Variants in AK7 observed in about 807,000 individuals in gnomAD.
AK7 encodes the protein ATP-AMP transphosphorylase 7.
A neutral mutation model predicts 96.6 loss-of-function variants in AK7; 78 were observed. The ratio of observed to expected loss-of-function variants is 0.81; its 90% CI spans 0.67 to 0.97. The LOEUF is 0.97. Ranked by LOEUF, AK7 falls within the 50% of genes least tolerant of loss-of-function variation. The pLI is 0.00. For synonymous variants in AK7, 302 were observed against 317.2 expected, an observed-to-expected ratio of 0.95 and a Z score of 0.51; for missense variants, 855 against 887.9, an observed-to-expected ratio of 0.96 and a Z score of 0.47.
At chr14:96,481,027 C>T (rs1426740743) in intron 15 of AK7, among the ~76,000 whole-genome samples, 4 of 152,176 alleles carry the variant, frequency 2.6e-5, no homozygotes, top group Non-Finnish European at 5.9e-5. Context: ...GGCCAGTGTA[C>T]TCTCCCCCTC....
rs533642920 is a variant in AK7 at position 96,431,560 on chromosome 14, T to C, written c.610-6275T>C. On this transcript the variant is annotated intron_variant, in intron 5 of 17. Coordinates refer to ENST00000267584, the MANE Select transcript of AK7 (RefSeq NM_152327.5). ...AGCAGGTTGTTCAGTTGCCATGTTA[T>C]GCGGTTTTGAGTGAGTTTCTTAACC... Among the ~76,000 whole-genome samples the C allele has an allele frequency of 2.1e-4, 32 of 152,220 alleles. No individual in the cohort carries two copies. In the South Asian group the frequency reaches 4.6e-3, roughly 22 times the overall value.
intron 1 of AK7, among the ~76,000 whole-genome samples, chr14:96,392,979 T>G (rs1889845625): frequency 6.6e-6 from 1 of 152,128 alleles, no homozygotes; most frequent in Non-Finnish European, 1.5e-5. Flanking sequence ...TAAATCAAAT[T>G]TTTATATTGC....
intron 2 of AK7, among the ~76,000 whole-genome samples, chr14:96,403,009 G>C (rs1225738783): frequency 6.6e-6 from 1 of 151,962 alleles, no homozygotes; most frequent in Non-Finnish European, 1.5e-5. Context: ...CAGCTACTCG[G>C]GAGGCTGAGG....
chr14:96,434,423 TC>T (rs1406950071), intron 5 of AK7, among the ~76,000 whole-genome samples: 1 of 6,456 alleles, frequency 1.5e-4, no homozygotes, highest in Non-Finnish European at 2.8e-4. Flanking sequence ...TGTCTGTCTG[TC>T]TCTCTCTCTC....
chr14:96,477,871 G>A (rs1895272489), intron 14 of AK7, among the ~76,000 whole-genome samples: 1 of 152,190 alleles, frequency 6.6e-6, no homozygotes, highest in Non-Finnish European at 1.5e-5. Context: ...GGAAGCCTGT[G>A]ATAATTGTGC....
chr14:96,409,019 T>C, intron 4 of AK7, 78 bp downstream of exon 4: 2 of 1,434,964 alleles, frequency 1.4e-6, no homozygotes, highest in Non-Finnish European at 1.9e-6. Flanking sequence ...GGGAACTTCC[T>C]ATGGCGAGTT....
intron 3 of AK7, among the ~76,000 whole-genome samples, chr14:96,406,763 C>T (rs1890736930): frequency 6.6e-6 from 1 of 152,056 alleles, no homozygotes; most frequent in African/African-American, 2.4e-5. Context: ...TAGCTTACTA[C>T]AGCCTCAAAC....
intron 12 of AK7, among the ~76,000 whole-genome samples, chr14:96,469,772 G>A (rs916012416): frequency 2.0e-5 from 3 of 152,134 alleles, no homozygotes; most frequent in African/African-American, 7.2e-5. Flanking sequence ...AATGGATGGT[G>A]TGACACTGAA....
At chr14:96,483,347 A>T in intron 16 of AK7, 128 bp downstream of exon 16, 1 of 914,500 alleles carries the variant, frequency 1.1e-6, no homozygotes, top group Non-Finnish European at 1.6e-6. Flanking sequence ...ACCCTAAACA[A>T]ATTTGTGTTT....
Position 96,446,507 on chromosome 14 carries a change from G to A in AK7, c.780-10G>A, listed in dbSNP as rs748401597. ...TCCCTTTGATGATTATTTTACCTGT[G>A]GGTCTGCAGAGTGATACAAAACGTC... On this transcript the variant is annotated splice_polypyrimidine_tract_variant and intron_variant, in intron 7 of 17. Transcript: ENST00000267584. 6.2e-7 allele frequency: 1 copy of A among 1,612,170 alleles called. No homozygotes were observed. Among genetic ancestry groups the A allele is most frequent in the Admixed American group, 1.7e-5 (1 of 59,990 alleles).
intron 5 of AK7, among the ~76,000 whole-genome samples, chr14:96,434,819 C>T (rs1892552440): frequency 6.6e-6 from 1 of 152,168 alleles, no homozygotes; most frequent in Admixed American, 6.5e-5. Context: ...CGTAGTCCTT[C>T]CCAGTCTTCC....
chr14:96,451,374 G>T (rs1204128582), intron 9 of AK7, 47 bp from the exon 10 acceptor site: 1 of 1,492,154 alleles, frequency 6.7e-7, no homozygotes, highest in African/African-American at 1.4e-5. Context: ...ATGACAGTCA[G>T]AATTAAACAA....
intron 12 of AK7, among the ~76,000 whole-genome samples, chr14:96,467,764 C>T (rs1894653566): frequency 6.6e-6 from 1 of 152,096 alleles, no homozygotes; most frequent in South Asian, 2.1e-4. Flanking sequence ...TCTCAGCAAA[C>T]AATGGAGTTT....
chr14:96,472,760 G>A lies in AK7; in HGVS notation c.1555+5G>A. 6.2e-7 allele frequency: 1 copy of A among 1,604,286 alleles called. No homozygotes were observed. Among genetic ancestry groups the A allele is most frequent in the South Asian group, 1.1e-5 (1 of 90,896 alleles). ...TTGATAAATTAATTATACCTGGTAAGTTTATTTCCCTAAGATCACATTTAA... is the reference window on the plus strand; with the variant it reads ...TTGATAAATTAATTATACCTGGTAAATTTATTTCCCTAAGATCACATTTAA... On this transcript the variant is annotated splice_donor_5th_base_variant and intron_variant, in intron 14 of 17. Coordinates refer to ENST00000267584, the MANE Select transcript of AK7 (RefSeq NM_152327.5).
intron 8 of AK7, 61 bp downstream of exon 8, chr14:96,446,668 C>G (rs577518256): frequency 6.7e-7 from 1 of 1,493,482 alleles, no homozygotes; most frequent in Non-Finnish European, 9.3e-7. Flanking sequence ...TGGCTGGGCG[C>G]GGTGGCTCAT....
At chr14:96,479,818 G>A (rs1303583459) in intron 15 of AK7, among the ~76,000 whole-genome samples, 1 of 152,146 alleles carries the variant, frequency 6.6e-6, no homozygotes, top group Non-Finnish European at 1.5e-5. Flanking sequence ...CCTGGTGGAA[G>A]CTTCCTGGCC....
chr14:96,464,404 G>A (rs1243318475), intron 12 of AK7, among the ~76,000 whole-genome samples: 2 of 151,574 alleles, frequency 1.3e-5, no homozygotes, highest in African/African-American at 4.8e-5. Flanking sequence ...AAAAAAAATA[G>A]CCAGGCGTGG....
chr14:96,472,780 A>C, intron 14 of AK7, 25 bp downstream of exon 14: 1 of 1,582,860 alleles, frequency 6.3e-7, no homozygotes, highest in Non-Finnish European at 8.7e-7. Flanking sequence ...CTAAGATCAC[A>C]TTTAAAAGAA....
intron 13 of AK7, 67 bp from the exon 14 acceptor site, chr14:96,472,620 A>G (rs2140158064): frequency 7.6e-7 from 1 of 1,310,832 alleles, no homozygotes; most frequent in Non-Finnish European, 1.1e-6. Context: ...GATATTTGGA[A>G]TTTTTTGCTG....
Sources: allele counts gnomAD v4.1 joint callset (sites outside exome capture counted in the v4.1 genomes callset), GRCh38; gene constraint gnomAD v4.1.1; transcripts MANE v1.5; gene names NCBI Gene and HGNC (gene_info 2026-07-23, HGNC 2026-07-21).